Variants in ERG observed in about 807,000 individuals in gnomAD.
The protein encoded by ERG is ETS transcription factor ERG.
ERG carries 9 observed loss-of-function variants against 55.3 expected under a neutral mutation model. The observed-to-expected ratio is 0.16, with a 90% CI of 0.10 to 0.28. ERG has a LOEUF of 0.28. ERG is among the 10% of genes least tolerant of loss of function. The pLI, the probability that ERG is intolerant of heterozygous loss-of-function variation, is 1.00. For missense variants in ERG, 434 were observed against 631.6 expected (o/e 0.69, Z 3.35); for synonymous variants, 223 against 237.3 (o/e 0.94, Z 0.55).
intron 3 of ERG, among the ~76,000 whole-genome samples, chr21:38,423,115 G>GTA (rs1555896606): frequency 0.013 from 2,027 of 151,206 alleles, 32 homozygotes; most frequent in Non-Finnish European, 0.016. Flanking sequence ...GTGTGTGTGT[G>GTA]TGTGTGTGTA....
At chr21:38,559,383 C>CTTTTTTTTTT (rs574207119) in intron 2 of ERG, among the ~76,000 whole-genome samples, 3 of 92,060 alleles carry the variant, frequency 3.3e-5, no homozygotes, top group African/African-American at 4.8e-5. Flanking sequence ...TCCCATTTCC[C>CTTTTTTTTTT]TTTTTTTTTT....
At chr21:38,376,291 C>T (rs537792150), downstream of ERG, among the ~76,000 whole-genome samples, 59 of 152,136 alleles carry the variant, frequency 3.9e-4, no homozygotes, top group Non-Finnish European at 1.3e-4. Flanking sequence ...GTGGAATTGT[C>T]GGATGTGAAT....
intron 3 of ERG, among the ~76,000 whole-genome samples, chr21:38,420,533 C>T (rs1412024808): frequency 1.3e-5 from 2 of 152,206 alleles, no homozygotes; most frequent in East Asian, 1.9e-4. Context: ...TCAAAGCTTA[C>T]TATAAGCCAA....
At chr21:38,476,755 T>C (rs2059191783) in intron 1 of ERG, among the ~76,000 whole-genome samples, 1 of 152,156 alleles carries the variant, frequency 6.6e-6, no homozygotes, top group Admixed American at 6.5e-5. Flanking sequence ...GTAAACGGCC[T>C]CTTTCTGCAG....
At chr21:38,440,275 G>A (rs936091280) in intron 2 of ERG, among the ~76,000 whole-genome samples, 2 of 152,252 alleles carry the variant, frequency 1.3e-5, no homozygotes, top group African/African-American at 4.8e-5. Context: ...GGATGCAGGT[G>A]CAGGTAGTGG....
chr21:38,573,614 C>G (rs1024038332), intron 2 of ERG, among the ~76,000 whole-genome samples: 2 of 152,206 alleles, frequency 1.3e-5, no homozygotes, highest in East Asian at 3.8e-4. Flanking sequence ...GATTCTTTTG[C>G]TCACATGTTT....
At chr21:38,598,389 CA>C (rs1262323395) in intron 1 of ERG, among the ~76,000 whole-genome samples, 6 of 152,198 alleles carry the variant, frequency 3.9e-5, no homozygotes, top group Non-Finnish European at 8.8e-5. Flanking sequence ...CAGAGGCTAG[CA>C]GTGACCATCC....
intron 2 of ERG, among the ~76,000 whole-genome samples, chr21:38,539,928 GCT>G (rs989232601): frequency 4.0e-5 from 5 of 123,958 alleles, no homozygotes; most frequent in African/African-American, 1.6e-4. Flanking sequence ...ACAGAGTCTT[GCT>G]CTGTCGCCCA....
At chr21:38,422,673 A>T (rs1989600030) in intron 3 of ERG, among the ~76,000 whole-genome samples, 1 of 152,218 alleles carries the variant, frequency 6.6e-6, no homozygotes, top group African/African-American at 2.4e-5. Context: ...TGGCTAAATA[A>T]ATAAGTTCTT....
At chr21:38,505,112 T>C (rs2059450334) in intron 2 of ERG, among the ~76,000 whole-genome samples, 1 of 152,242 alleles carries the variant, frequency 6.6e-6, no homozygotes, top group Non-Finnish European at 1.5e-5. Context: ...ATTTATTTAC[T>C]AATTTATTTC....
intron 1 of ERG, among the ~76,000 whole-genome samples, chr21:38,466,332 T>TGA (rs1555903704): frequency 2.0e-5 from 3 of 150,852 alleles, no homozygotes; most frequent in African/African-American, 4.9e-5. Flanking sequence ...TGTGTGTGTG[T>TGA]GATATAGATA....
At chr21:38,402,478 C>T in intron 5 of ERG, 79 bp downstream of exon 5, 2 of 1,061,166 alleles carry the variant, frequency 1.9e-6, no homozygotes, top group Non-Finnish European at 2.9e-6. Context: ...CACGCGCTGA[C>T]TGGTTTCCCA....
At chr21:38,445,357 T>C (rs781097625) in intron 2 of ERG, 47 bp downstream of exon 2, 18 of 1,500,452 alleles carry the variant, frequency 1.2e-5, no homozygotes, top group Non-Finnish European at 1.6e-5. Context: ...TTGCAAAGGA[T>C]AGGAAAATGG....
At position 38,381,291 on chromosome 21, in the gene ERG, C is replaced by T. The variant is rs146945716; in HGVS notation, c.*2112G>A. The T allele has an allele frequency of 1.3e-3, 1,424 of 1,065,098 alleles. 14 individuals carry two copies. The African/African-American group carries it at 0.019, about 14-fold the overall frequency. The allele number at this position is 1,065,098 out of a possible 1,614,324, so 66.0% of individuals were successfully genotyped here. A position where few individuals can be genotyped will look rare whatever the true frequency, so the allele number is the denominator to read the frequency against. On this transcript the variant is annotated 3_prime_UTR_variant, in exon 10 of 10. Transcript: ENST00000288319. ...GCTAAGATGTTTCGGCTAGCGCCTT[C>T]GCACGGTCACCTTGTATTTTCACCT...
At chr21:38,651,791 A>T (rs2060490313) in intron 1 of ERG, among the ~76,000 whole-genome samples, 1 of 152,156 alleles carries the variant, frequency 6.6e-6, no homozygotes, top group African/African-American at 2.4e-5. Flanking sequence ...AACTACACAC[A>T]GCAGAGTCCC....
chr21:38,370,616 G>A, the ERG span, among the ~76,000 whole-genome samples: 1 of 151,656 alleles, frequency 6.6e-6, no homozygotes, highest in Non-Finnish European at 1.5e-5. Flanking sequence ...TATTATGTAG[G>A]GGTCCAATTA....
At chr21:38,491,414 A>G (rs1339182580) in intron 1 of ERG, among the ~76,000 whole-genome samples, 1 of 152,228 alleles carries the variant, frequency 6.6e-6, no homozygotes, top group East Asian at 1.9e-4. Context: ...GAGATTTTAA[A>G]TCATCAAGGC....
Position 38,403,555 on chromosome 21 carries a change from G to A in ERG, c.543C>T (p.Pro181=). 1 of 1,614,152 alleles carries A rather than the reference G, an allele frequency of 6.2e-7. No homozygotes were observed. Among genetic ancestry groups the A allele is most frequent in the South Asian group, 1.1e-5 (1 of 91,072 alleles). The change falls in exon 4 of 10, where the codon CCC becomes CCT. Residue 181 remains proline (P), a synonymous_variant. Transcript: ENST00000288319. Reference sequence around the variant, plus strand: ...AGAGAAGGATGTCGGCGTTGTAGCTGGGGGTGAGCCTCTGGAAGTCGTCCT... The same window carrying A: ...AGAGAAGGATGTCGGCGTTGTAGCTAGGGGTGAGCCTCTGGAAGTCGTCCT... ...MTKDDFQRLT[P]SYNADILLSH...
intron 1 of ERG, among the ~76,000 whole-genome samples, chr21:38,649,890 A>G (rs550657414): frequency 6.6e-6 from 1 of 152,338 alleles, no homozygotes; most frequent in South Asian, 2.1e-4. Context: ...ATCGCTACAC[A>G]CCAGAGACGT....
Sources: allele counts gnomAD v4.1 joint callset (sites outside exome capture counted in the v4.1 genomes callset), GRCh38; gene constraint gnomAD v4.1.1; transcripts MANE v1.5; gene names NCBI Gene and HGNC (gene_info 2026-07-23, HGNC 2026-07-21).